The following REDIC1 variants were observed in gnomAD, a reference collection of about 807,000 sequenced individuals.
REDIC1 encodes HEI10 Interacting Protein 1.
the REDIC1 span, among the ~76,000 whole-genome samples, chr12:39,837,421 T>C: frequency 7.4e-6 from 1 of 135,098 alleles, no homozygotes; most frequent in African/African-American, 2.8e-5. Flanking sequence ...ATTCAGGACA[T>C]AGGCATGGGC....
At chr12:39,774,528 G>T in the REDIC1 span, among the ~76,000 whole-genome samples, 1 of 150,484 alleles carries the variant, frequency 6.6e-6, no homozygotes, top group African/African-American at 2.4e-5. Flanking sequence ...TTCCTAGCTT[G>T]CAGTGTGGAG....
At chr12:39,714,554 A>G in the REDIC1 span, among the ~76,000 whole-genome samples, 1 of 151,520 alleles carries the variant, frequency 6.6e-6, no homozygotes, top group African/African-American at 2.4e-5. Context: ...TTGAATATTG[A>G]TTTCTTTTCC....
the REDIC1 span, among the ~76,000 whole-genome samples, chr12:39,881,179 G>A: frequency 0.029 from 4,417 of 152,328 alleles, 90 homozygotes; most frequent in Non-Finnish European, 0.049. Flanking sequence ...TAAAAGTTGT[G>A]TGGGTAACAC....
At chr12:39,796,176 G>A in the REDIC1 span, among the ~76,000 whole-genome samples, 1 of 152,094 alleles carries the variant, frequency 6.6e-6, no homozygotes, top group Non-Finnish European at 1.5e-5. Context: ...TGTTTCCAAG[G>A]TTATGCATGG....
the REDIC1 span, among the ~76,000 whole-genome samples, chr12:39,885,314 C>T: frequency 2.0e-5 from 3 of 152,116 alleles, no homozygotes; most frequent in African/African-American, 7.2e-5. Flanking sequence ...AAAGAGTGGG[C>T]TTGTAGAAAA....
chr12:39,669,513 A>G, the REDIC1 span, among the ~76,000 whole-genome samples: 7 of 152,144 alleles, frequency 4.6e-5, no homozygotes, highest in Admixed American at 4.6e-4. Context: ...GACCCACTTG[A>G]GGGCGCAGTC....
At chr12:39,823,293 A>G in the REDIC1 span, among the ~76,000 whole-genome samples, 1 of 152,240 alleles carries the variant, frequency 6.6e-6, no homozygotes, top group Non-Finnish European at 1.5e-5. Flanking sequence ...TAATTTAGGA[A>G]CACAGCTGGA....
the REDIC1 span, among the ~76,000 whole-genome samples, chr12:39,814,814 CAT>C: frequency 2.6e-5 from 4 of 152,150 alleles, no homozygotes; most frequent in African/African-American, 7.2e-5. Flanking sequence ...CACAATTATG[CAT>C]ATGTCACAAT....
chr12:39,731,707 A>G, the REDIC1 span, among the ~76,000 whole-genome samples: 3 of 152,182 alleles, frequency 2.0e-5, no homozygotes, highest in Admixed American at 1.3e-4. Flanking sequence ...CTGTCTTCAG[A>G]GCCATCAGGC....
the REDIC1 span, among the ~76,000 whole-genome samples, chr12:39,679,574 G>A: frequency 1.3e-5 from 2 of 152,120 alleles, no homozygotes; most frequent in Admixed American, 6.6e-5. Flanking sequence ...ACTGCCAAAA[G>A]CAATCTATAA....
the REDIC1 span, among the ~76,000 whole-genome samples, chr12:39,730,157 C>T: frequency 6.6e-6 from 1 of 152,176 alleles, no homozygotes; most frequent in South Asian, 2.1e-4. Flanking sequence ...AGCCCATTTA[C>T]ATTTAAGGTT....
the REDIC1 span, chr12:39,756,404 G>C: frequency 1.4e-5 from 2 of 142,308 alleles, no homozygotes; most frequent in South Asian, 4.6e-4. Flanking sequence ...AGTATAAGTT[G>C]ACATTTTATA....
chr12:39,801,884 C>A, the REDIC1 span, among the ~76,000 whole-genome samples: 1 of 152,186 alleles, frequency 6.6e-6, no homozygotes, highest in Non-Finnish European at 1.5e-5. Context: ...TACTCACTCA[C>A]TACACAAACT....
At chr12:39,655,990 C>T in the REDIC1 span, among the ~76,000 whole-genome samples, 150 of 150,626 alleles carry the variant, frequency 1.0e-3, no homozygotes, top group African/African-American at 3.4e-3. Context: ...TTTTTTTTTT[C>T]TTCTTTTTCT....
chr12:39,639,010 T>G, the REDIC1 span, among the ~76,000 whole-genome samples: 1 of 152,026 alleles, frequency 6.6e-6, no homozygotes, highest in Non-Finnish European at 1.5e-5. Flanking sequence ...AAACATTTAT[T>G]TTTGTTATCT....
At chr12:39,873,170 C>T in the REDIC1 span, among the ~76,000 whole-genome samples, 1 of 152,142 alleles carries the variant, frequency 6.6e-6, no homozygotes, top group Admixed American at 6.5e-5. Flanking sequence ...ATAAACCAAA[C>T]CTATAAATTA....
At chr12:39,878,232 G>A in the REDIC1 span, among the ~76,000 whole-genome samples, 1 of 152,318 alleles carries the variant, frequency 6.6e-6, no homozygotes, top group East Asian at 1.9e-4. Flanking sequence ...GATACCAGGG[G>A]TGAAGCATTG....
At chr12:39,896,457 T>A in the REDIC1 span, among the ~76,000 whole-genome samples, 1 of 144,628 alleles carries the variant, frequency 6.9e-6, no homozygotes, top group Non-Finnish European at 1.5e-5. Flanking sequence ...TATGTGTGTA[T>A]ATATGTATAC....
the REDIC1 span, among the ~76,000 whole-genome samples, chr12:39,889,406 C>T: frequency 6.6e-6 from 1 of 151,938 alleles, no homozygotes; most frequent in Non-Finnish European, 1.5e-5. Context: ...TAGCCTTATA[C>T]TCTAACAAAT....
Sources: allele counts gnomAD v4.1 joint callset (sites outside exome capture counted in the v4.1 genomes callset), GRCh38; gene constraint gnomAD v4.1.1; transcripts MANE v1.5; gene names NCBI Gene and HGNC (gene_info 2026-07-23, HGNC 2026-07-21).